EYS: variants seen among roughly 807,000 people sequenced by gnomAD.
EYS encodes EGF-like photoreceptor maintenance factor.
Under a neutral mutation model 282.1 loss-of-function variants are expected in EYS, and 250 were observed. The observed-to-expected ratio is 0.89, with a 90% CI of 0.80 to 0.98. The LOEUF is 0.98. Among genes scored for constraint, EYS ranks in the 50% least tolerant of loss-of-function variants. The pLI is 0.00. For missense variants in EYS, 4,016 were observed against 3,709.0 expected (o/e 1.08, Z -2.15); for synonymous variants, 1,355 against 1,282.9 (o/e 1.06, Z -1.20).
intron 30 of EYS, among the ~76,000 whole-genome samples, chr6:64,253,521 G>A (rs775025428): frequency 2.0e-5 from 3 of 152,096 alleles, no homozygotes; most frequent in Non-Finnish European, 2.9e-5. Flanking sequence ...CACTGTCAGC[G>A]CTACAAATTA....
chr6:64,082,618 A>T (rs1772010584), intron 31 of EYS, among the ~76,000 whole-genome samples: 1 of 150,638 alleles, frequency 6.6e-6, no homozygotes, highest in Admixed American at 6.6e-5. Flanking sequence ...ACTGTCACAC[A>T]GAGGAATTTT....
intron 5 of EYS, among the ~76,000 whole-genome samples, chr6:65,410,744 C>T (rs985706197): frequency 2.0e-5 from 3 of 151,586 alleles, no homozygotes; most frequent in African/African-American, 7.3e-5. Context: ...GATATTTTTA[C>T]CCCCTGTTTA....
chr6:64,966,658 G>C (rs987454022), intron 14 of EYS, among the ~76,000 whole-genome samples: 7 of 152,080 alleles, frequency 4.6e-5, no homozygotes, highest in African/African-American at 1.7e-4. Flanking sequence ...TCCTTCATCT[G>C]TAAAGACAAC....
intron 1 of EYS, among the ~76,000 whole-genome samples, chr6:65,659,396 C>A (rs1767931821): frequency 6.6e-6 from 1 of 151,506 alleles, no homozygotes; most frequent in African/African-American, 2.4e-5. Flanking sequence ...AGAAAATATC[C>A]TAGAAAGTAA....
intron 22 of EYS, among the ~76,000 whole-genome samples, chr6:64,627,074 C>T (rs1199937769): frequency 6.6e-6 from 1 of 152,168 alleles, no homozygotes; most frequent in African/African-American, 2.4e-5. Context: ...GCTTCAAGAA[C>T]TGATGGAGGA....
chr6:64,697,511 A>G (rs531420507), intron 22 of EYS, among the ~76,000 whole-genome samples: 14 of 152,300 alleles, frequency 9.2e-5, no homozygotes, highest in Admixed American at 8.5e-4. Flanking sequence ...ATCACTTAAC[A>G]CTTTAACAGG....
intron 35 of EYS, among the ~76,000 whole-genome samples, chr6:63,907,816 G>C (rs1374438724): frequency 2.6e-5 from 4 of 151,682 alleles, no homozygotes; most frequent in African/African-American, 9.7e-5. Context: ...TCCACACTCT[G>C]TGTTCATGTG....
intron 16 of EYS, among the ~76,000 whole-genome samples, chr6:64,910,013 A>C (rs1339237973): frequency 1.3e-5 from 2 of 152,130 alleles, no homozygotes; most frequent in Admixed American, 1.3e-4. Context: ...CTGACTAAAA[A>C]CTGTGAAAAC....
chr6:65,465,474 CACAAACAA>C (rs773861531), intron 5 of EYS, among the ~76,000 whole-genome samples: 1 of 151,556 alleles, frequency 6.6e-6, no homozygotes, highest in Non-Finnish European at 1.5e-5. Flanking sequence ...GAGGCTCTGT[CACAAACAA>C]ACAAACAAAC....
chr6:63,743,623 T>C (rs1447968859), intron 41 of EYS, among the ~76,000 whole-genome samples: 1 of 152,224 alleles, frequency 6.6e-6, no homozygotes, highest in East Asian at 1.9e-4. Flanking sequence ...ATTTGCCAGT[T>C]AGATTGGTTT....
chr6:65,657,382 T>G lies in EYS; in HGVS notation c.-447-17490A>C, dbSNP rs186128271. ...AAAGATTCACCATTCTAAATTCCAT[T>G]AAGAACATTAGTGTTTCATGGTAGG... On this transcript the variant is annotated intron_variant, in intron 1 of 42. Transcript: ENST00000503581. Among the ~76,000 whole-genome samples the G allele has an allele frequency of 2.0e-5, 3 of 151,946 alleles. No individual in the cohort carries two copies. The East Asian group carries it at 5.8e-4, about 29-fold the overall frequency.
chr6:65,096,525 C>A lies in EYS; in HGVS notation c.2024-38798G>T, dbSNP rs577452032. 5.3e-5 allele frequency among the ~76,000 whole-genome samples: 8 copies of A among 150,744 alleles called. No individual in the cohort carries two copies. The East Asian group carries it at 1.6e-3, about 29-fold the overall frequency. ...AATTTGTATGATACCACAAAAGAAC[C>A]CTCATAGATGAAACAATGTTGAAAA... On this transcript the variant is annotated intron_variant, in intron 12 of 42. Coordinates refer to ENST00000503581, the MANE Select transcript of EYS (RefSeq NM_001142800.2).
At chr6:65,470,835 T>C (rs1390602445) in intron 5 of EYS, among the ~76,000 whole-genome samples, 1 of 151,944 alleles carries the variant, frequency 6.6e-6, no homozygotes, top group Non-Finnish European at 1.5e-5. Context: ...CTTAAGAAGA[T>C]GGATGTGGAT....
At chr6:64,014,616 C>G (rs1382316083) in intron 33 of EYS, among the ~76,000 whole-genome samples, 1 of 152,036 alleles carries the variant, frequency 6.6e-6, no homozygotes, top group East Asian at 1.9e-4. Context: ...CTGAAGCACT[C>G]TCTGAGCCAA....
chr6:64,981,460 C>T (rs1304958384), intron 14 of EYS, among the ~76,000 whole-genome samples: 1 of 151,242 alleles, frequency 6.6e-6, no homozygotes, highest in Non-Finnish European at 1.5e-5. Context: ...CACCCTTCAC[C>T]TCCATTTCCA....
At chr6:64,491,596 T>C (rs1432673626) in intron 26 of EYS, among the ~76,000 whole-genome samples, 2 of 151,036 alleles carry the variant, frequency 1.3e-5, no homozygotes, top group African/African-American at 4.8e-5. Context: ...GGTCTCAACT[T>C]TAACGGCTAA....
At chr6:65,208,730 T>C (rs1201310794) in intron 12 of EYS, among the ~76,000 whole-genome samples, 2 of 147,306 alleles carry the variant, frequency 1.4e-5, no homozygotes, top group African/African-American at 5.1e-5. Flanking sequence ...TTCTCACTTA[T>C]GAGTGGGAGC....
intron 32 of EYS, among the ~76,000 whole-genome samples, chr6:64,071,077 T>G (rs1052837521): frequency 6.6e-6 from 1 of 152,004 alleles, no homozygotes; most frequent in African/African-American, 2.4e-5. Flanking sequence ...TAATTAAGTG[T>G]TTCTTTAACA....
chr6:65,336,609 T>C (rs1769999182), intron 10 of EYS, among the ~76,000 whole-genome samples: 1 of 151,596 alleles, frequency 6.6e-6, no homozygotes, highest in Non-Finnish European at 1.5e-5. Context: ...AATCTATTTG[T>C]GGTTTTGCTA....
Sources: allele counts gnomAD v4.1 joint callset (sites outside exome capture counted in the v4.1 genomes callset), GRCh38; gene constraint gnomAD v4.1.1; transcripts MANE v1.5; gene names NCBI Gene and HGNC (gene_info 2026-07-23, HGNC 2026-07-21).